Variants in FBLN7 observed in about 807,000 individuals in gnomAD.
The protein encoded by FBLN7 is fibulin 7.
Under a neutral mutation model 44.0 loss-of-function variants are expected in FBLN7, and 31 were observed. The ratio of observed to expected loss-of-function variants is 0.70; its 90% CI spans 0.53 to 0.95. FBLN7 has a LOEUF of 0.95. FBLN7 is among the 40% of genes least tolerant of loss of function. The pLI is 0.00. For synonymous variants in FBLN7, 262 were observed against 253.4 expected, an observed-to-expected ratio of 1.03 and a Z score of -0.32; for missense variants, 573 against 618.5, an observed-to-expected ratio of 0.93 and a Z score of 0.78.
intron 1 of FBLN7, among the ~76,000 whole-genome samples, chr2:112,158,037 A>C (rs983835514): frequency 6.6e-6 from 1 of 151,818 alleles, no homozygotes; most frequent in Admixed American, 6.6e-5. Flanking sequence ...AGGTGGGACT[A>C]CAGGCACCCG....
intron 1 of FBLN7, among the ~76,000 whole-genome samples, chr2:112,141,904 C>T (rs1200463270): frequency 2.6e-5 from 4 of 152,210 alleles, no homozygotes; most frequent in Non-Finnish European, 2.9e-5. Flanking sequence ...ACTCTGTACC[C>T]GGAACTTCTG....
At chr2:112,160,742 A>ACGCGCG (rs1425608338) in intron 2 of FBLN7, among the ~76,000 whole-genome samples, 41 of 81,076 alleles carry the variant, frequency 5.1e-4, no homozygotes, top group African/African-American at 2.2e-3. Context: ...GCACACGCAC[A>ACGCGCG]CACGCGCACG....
At chr2:112,144,997 T>C (rs569555689) in intron 1 of FBLN7, among the ~76,000 whole-genome samples, 1 of 152,360 alleles carries the variant, frequency 6.6e-6, no homozygotes, top group Admixed American at 6.5e-5. Context: ...ATATGGTAAA[T>C]GTGTGTTTAA....
the FBLN7 span, among the ~76,000 whole-genome samples, chr2:112,232,746 A>T: frequency 7.2e-5 from 11 of 152,110 alleles, no homozygotes; most frequent in Admixed American, 1.3e-4. Context: ...GAAGAAAAAA[A>T]TTTTTTTGTG....
chr2:112,239,781 C>T, the FBLN7 span, among the ~76,000 whole-genome samples: 1 of 152,022 alleles, frequency 6.6e-6, no homozygotes, highest in Non-Finnish European at 1.5e-5. Flanking sequence ...GACAGGGTTT[C>T]ACCCTATTGG....
In FBLN7 at chr2:112,187,667, CA is replaced by C; in HGVS notation, c.*162del. ...CGTTGCACGGCGCCCCATGGAATAGCACGGAAGAGCAGCCACAAAACTCAAC... is the reference window on the plus strand; with the variant it reads ...CGTTGCACGGCGCCCCATGGAATAGCCGGAAGAGCAGCCACAAAACTCAAC... On this transcript the variant is annotated 3_prime_UTR_variant, in exon 8 of 8. Coordinates refer to ENST00000331203, the MANE Select transcript of FBLN7 (RefSeq NM_153214.3). The surrounding 1 kb of genome is among the most constrained non-coding windows in gnomAD (Gnocchi z 5.1). 1.1e-6 allele frequency: 1 copy of C among 903,994 alleles called. No individual in the cohort carries two copies. Among genetic ancestry groups the C allele is most frequent in the Non-Finnish European group, 1.7e-6 (1 of 602,824 alleles). The allele number at this position is 903,994 out of a possible 1,614,324, so 56.0% of individuals were successfully genotyped here. A position where few individuals can be genotyped will look rare whatever the true frequency, so the allele number is the denominator to read the frequency against.
chr2:112,240,852 C>A, the FBLN7 span, among the ~76,000 whole-genome samples: 3 of 152,006 alleles, frequency 2.0e-5, no homozygotes, highest in Non-Finnish European at 4.4e-5. Context: ...ATTACATCCC[C>A]TTTCTCCTTT....
the FBLN7 span, among the ~76,000 whole-genome samples, chr2:112,235,251 A>T: frequency 6.6e-6 from 1 of 152,234 alleles, no homozygotes; most frequent in African/African-American, 2.4e-5. Context: ...TAGCACCATC[A>T]AATTTATGTC....
downstream of FBLN7, among the ~76,000 whole-genome samples, chr2:112,192,204 T>C (rs914292352): frequency 6.6e-6 from 1 of 152,246 alleles, no homozygotes; most frequent in African/African-American, 2.4e-5. Context: ...TGCAGCAATA[T>C]GCATATGTCT....
chr2:112,139,192 CCGCCTCTCTCCAGGCCAGTGTCCTTCA>C (rs1680513450), intron 1 of FBLN7, among the ~76,000 whole-genome samples: 1 of 49,852 alleles, frequency 2.0e-5, no homozygotes, highest in Non-Finnish European at 3.7e-5. Context: ...AGTGTCCCTC[CCGCCTCTCTCCAGGCCAGTGTCCTTCA>C]CGCCTCTCTC....
chr2:112,222,621 A>C, the FBLN7 span, among the ~76,000 whole-genome samples: 1 of 152,216 alleles, frequency 6.6e-6, no homozygotes. Context: ...TGGTGACAGA[A>C]ATGTCTGTCA....
the FBLN7 span, chr2:112,234,040 T>C: frequency 1.2e-6 from 1 of 815,176 alleles, no homozygotes; most frequent in Admixed American, 3.5e-5. Flanking sequence ...TTTAAAAACC[T>C]AAAGGTATGA....
chr2:112,208,422 C>CA, the FBLN7 span, among the ~76,000 whole-genome samples: 3 of 150,940 alleles, frequency 2.0e-5, no homozygotes, highest in South Asian at 2.1e-4. Flanking sequence ...CAAAACAAAA[C>CA]AAAAAAACAA....
intron 4 of FBLN7, among the ~76,000 whole-genome samples, chr2:112,178,778 A>T (rs1271484127): frequency 6.6e-6 from 1 of 152,218 alleles, no homozygotes; most frequent in East Asian, 1.9e-4. Context: ...ATATGCAAAA[A>T]GGCTTTTGAT....
At chr2:112,217,490 T>G in the FBLN7 span, among the ~76,000 whole-genome samples, 5 of 152,380 alleles carry the variant, frequency 3.3e-5, no homozygotes, top group South Asian at 1.0e-3. Context: ...TACATTAAAA[T>G]CCATTGGTCT....
In FBLN7 at chr2:112,185,289, T is replaced by G. The variant is rs1683214788; in HGVS notation, c.897T>G (p.Pro299=). The G allele has an allele frequency of 6.2e-7, 1 of 1,613,806 alleles. No individual in the cohort carries two copies. Among genetic ancestry groups the G allele is most frequent in the Admixed American group, 1.7e-5 (1 of 59,990 alleles). ...NTGGSFQCVS[P]ECPEGSGNVS... is the part of the protein sequence containing the mutation. ...GTGGAAGCTTCCAGTGTGTCAGCCCTGAGTGCCCCGAGGGCAGCGGCAATG... is the reference window on the plus strand; with the variant it reads ...GTGGAAGCTTCCAGTGTGTCAGCCCGGAGTGCCCCGAGGGCAGCGGCAATG... Residue 299 remains proline (P), a synonymous_variant, in exon 7 of 8, where the codon CCT becomes CCG. Transcript: ENST00000331203.
intron 3 of FBLN7, 75 bp downstream of exon 3, chr2:112,165,246 C>A: frequency 1.3e-6 from 2 of 1,514,992 alleles, no homozygotes; most frequent in South Asian, 2.5e-5. Context: ...TAGAAAGGGT[C>A]ATTCCTTGGA....
rs538971508 is a variant in FBLN7 at position 112,174,778 on chromosome 2, C to T, written c.407-936C>T. The stretch of plus-strand genomic sequence containing the variant: ...AGGCTGGAGTGCAGTGGTGGGATCT[C>T]GGCTCACTGCAACCTCCGCCTCCCG... On this transcript the variant is annotated intron_variant, in intron 3 of 7. Coordinates refer to ENST00000331203, the MANE Select transcript of FBLN7 (RefSeq NM_153214.3). Among the ~76,000 whole-genome samples the T allele has an allele frequency of 1.1e-4, 16 of 151,880 alleles. No homozygotes were observed. The East Asian group carries it at 1.9e-3, about 18-fold the overall frequency.
At chr2:112,189,334 C>A (rs1683406617), downstream of FBLN7, 1 of 152,276 alleles carries the variant, frequency 6.6e-6, no homozygotes, top group East Asian at 1.9e-4. Flanking sequence ...AGCCCCGGTG[C>A]CCACAGCACC....
Sources: allele counts gnomAD v4.1 joint callset (sites outside exome capture counted in the v4.1 genomes callset), GRCh38; gene constraint gnomAD v4.1.1; non-coding constraint Gnocchi (gnomAD v3.1); transcripts MANE v1.5; gene names NCBI Gene and HGNC (gene_info 2026-07-23, HGNC 2026-07-21).